KLHL1: variants seen among roughly 807,000 people sequenced by gnomAD.
KLHL1 encodes the protein kelch like family member 1.
In KLHL1, 47 loss-of-function variants were observed where a neutral mutation model predicts 77.7. That is an observed-to-expected ratio of 0.60 (90% CI 0.48 to 0.77). The LOEUF (loss-of-function observed/expected upper bound fraction) is 0.77. KLHL1 is among the 30% of genes least tolerant of loss of function. The pLI, the probability that KLHL1 is intolerant of heterozygous loss-of-function variation, is 0.00. For missense variants in KLHL1, 925 were observed against 910.8 expected (o/e 1.02, Z -0.20); for synonymous variants, 360 against 325.2 (o/e 1.11, Z -1.15).
Position 70,094,392 on chromosome 13 carries a change from T to TA in KLHL1, c.497+12810_497+12811insT, listed in dbSNP as rs1243519793. Among the ~76,000 whole-genome samples the TA allele has an allele frequency of 3.9e-3, 575 of 148,462 alleles. 9 individuals are homozygous for TA. Among genetic ancestry groups the TA allele is most frequent in the African/African-American group, 0.014 (530 of 38,664 alleles). The stretch of plus-strand genomic sequence containing the variant: ...ATGAAACAAATACAATGCAATCATC[T>TA]TTATATATATATATATATGAATATA... On this transcript the variant is annotated intron_variant, in intron 1 of 10. Transcript: ENST00000377844.
chr13:70,097,610 T>C (rs1278923905), intron 1 of KLHL1, among the ~76,000 whole-genome samples: 1 of 152,028 alleles, frequency 6.6e-6, no homozygotes, highest in African/African-American at 2.4e-5. Flanking sequence ...TTTCTTGAGT[T>C]TTATTCAGAG....
chr13:69,720,836 C>G (rs1873012626), intron 8 of KLHL1, among the ~76,000 whole-genome samples: 1 of 150,296 alleles, frequency 6.7e-6, no homozygotes, highest in Non-Finnish European at 1.5e-5. Flanking sequence ...AGGTGAATGG[C>G]AGCTTACAAG....
At chr13:69,796,065 T>C (rs888782128) in intron 7 of KLHL1, among the ~76,000 whole-genome samples, 3 of 152,228 alleles carry the variant, frequency 2.0e-5, no homozygotes, top group African/African-American at 7.2e-5. Context: ...GTACATATCG[T>C]ATGATCTTTG....
At chr13:69,823,818 T>TTC (rs149024734) in intron 6 of KLHL1, among the ~76,000 whole-genome samples, 3 of 151,140 alleles carry the variant, frequency 2.0e-5, no homozygotes, top group Admixed American at 6.6e-5. Context: ...TTGAAATTTT[T>TTC]TCTCTCTCTC....
chr13:69,763,035 T>C (rs1441918642), intron 7 of KLHL1, among the ~76,000 whole-genome samples: 1 of 152,144 alleles, frequency 6.6e-6, no homozygotes, highest in Non-Finnish European at 1.5e-5. Context: ...CTCTTCTGGA[T>C]GGGCATCCTT....
At chr13:69,850,271 C>T (rs1038798430) in intron 5 of KLHL1, among the ~76,000 whole-genome samples, 2 of 151,368 alleles carry the variant, frequency 1.3e-5, no homozygotes, top group African/African-American at 4.8e-5. Flanking sequence ...ACTTAATTAC[C>T]TGCACTTCAC....
chr13:69,711,037 T>C (rs184027905), intron 9 of KLHL1, among the ~76,000 whole-genome samples: 1 of 152,142 alleles, frequency 6.6e-6, no homozygotes, highest in African/African-American at 2.4e-5. Context: ...AGAATAAAAG[T>C]TAATTTCTCT....
chr13:69,889,646 T>C (rs760157395), intron 4 of KLHL1, among the ~76,000 whole-genome samples: 1 of 152,060 alleles, frequency 6.6e-6, no homozygotes, highest in Non-Finnish European at 1.5e-5. Context: ...CAATATGGCA[T>C]GGTGATTATG....
chr13:69,969,787 A>ATT (rs1884324706), intron 2 of KLHL1, among the ~76,000 whole-genome samples: 1 of 152,194 alleles, frequency 6.6e-6, no homozygotes, highest in Non-Finnish European at 1.5e-5. Flanking sequence ...AATGCATAAC[A>ATT]GACATTAATA....
chr13:70,059,198 A>G (rs558621511), intron 1 of KLHL1, among the ~76,000 whole-genome samples: 184 of 149,322 alleles, frequency 1.2e-3, no homozygotes, highest in African/African-American at 4.3e-3. Flanking sequence ...TCACTCTGTC[A>G]GCCAGGCTGG....
intron 1 of KLHL1, among the ~76,000 whole-genome samples, chr13:70,102,637 G>A (rs955091470): frequency 2.6e-5 from 4 of 152,072 alleles, no homozygotes; most frequent in Non-Finnish European, 4.4e-5. Flanking sequence ...CAGATACAAC[G>A]GGTTAAAGTC....
intron 5 of KLHL1, among the ~76,000 whole-genome samples, chr13:69,845,240 A>G (rs1879413327): frequency 7.4e-6 from 1 of 134,690 alleles, no homozygotes; most frequent in Non-Finnish European, 1.6e-5. Context: ...GTTCTTTCAT[A>G]GTGGAATAGG....
chr13:70,071,466 T>G (rs299532), intron 1 of KLHL1, among the ~76,000 whole-genome samples: 79,833 of 151,646 alleles, frequency 0.53, 21,297 homozygotes, highest in East Asian at 0.72. Context: ...ATATGTAAAA[T>G]AGTGGTTGAA....
At chr13:69,945,476 C>T (rs1305668155) in intron 3 of KLHL1, among the ~76,000 whole-genome samples, 1 of 148,122 alleles carries the variant, frequency 6.8e-6, no homozygotes, top group Admixed American at 6.7e-5. Context: ...AAAAAAAAGC[C>T]ACTGTAAGAT....
intron 5 of KLHL1, among the ~76,000 whole-genome samples, chr13:69,876,810 G>A (rs1880783397): frequency 6.6e-6 from 1 of 152,148 alleles, no homozygotes; most frequent in Non-Finnish European, 1.5e-5. Flanking sequence ...GGCCGAGGCG[G>A]GTGGATCACC....
At chr13:69,796,199 A>C (rs1206448261) in intron 7 of KLHL1, among the ~76,000 whole-genome samples, 2 of 152,218 alleles carry the variant, frequency 1.3e-5, no homozygotes, top group Middle Eastern at 3.2e-3. Flanking sequence ...AAATTTAAAT[A>C]CAAAATATGC....
At chr13:70,011,864 C>A (rs1482329839) in intron 1 of KLHL1, among the ~76,000 whole-genome samples, 3 of 152,106 alleles carry the variant, frequency 2.0e-5, no homozygotes, top group African/African-American at 2.4e-5. Context: ...TAAGACTGAG[C>A]AATTTACCAA....
intron 7 of KLHL1, among the ~76,000 whole-genome samples, chr13:69,785,642 A>G (rs1193963150): frequency 5.4e-5 from 8 of 147,402 alleles, no homozygotes; most frequent in Non-Finnish European, 1.0e-4. Flanking sequence ...ACAGAAGGCA[A>G]GAAATGACTA....
intron 7 of KLHL1, among the ~76,000 whole-genome samples, chr13:69,762,959 C>A (rs1471377225): frequency 1.3e-5 from 2 of 151,948 alleles, no homozygotes; most frequent in East Asian, 3.9e-4. Flanking sequence ...CAGTCAGAAG[C>A]AGAACATTTG....
Sources: gnomAD v4.1 joint callset for allele counts (sites outside exome capture counted in the v4.1 genomes callset) on GRCh38, gnomAD v4.1.1 for gene constraint, MANE v1.5 for transcripts, NCBI Gene and HGNC (gene_info 2026-07-23, HGNC 2026-07-21) for gene names.